Variants in NDUFAF6 observed in about 807,000 individuals in gnomAD.
NDUFAF6 encodes NADH:ubiquinone oxidoreductase complex assembly factor 6.
In NDUFAF6, 45 loss-of-function variants were observed where a neutral mutation model predicts 40.8. The observed-to-expected ratio is 1.10, with a 90% CI of 0.87 to 1.42. NDUFAF6 has a LOEUF of 1.42. Among genes scored for constraint, NDUFAF6 ranks in the 40% most tolerant of loss-of-function variants. NDUFAF6 has a pLI of 0.00. For missense variants in NDUFAF6, 435 were observed against 418.5 expected, an observed-to-expected ratio of 1.04 and a Z score of -0.34; for synonymous variants, 185 against 155.9, an observed-to-expected ratio of 1.19 and a Z score of -1.39.
chr8:95,076,795 C>T (rs1808640524), downstream of NDUFAF6, among the ~76,000 whole-genome samples: 1 of 151,812 alleles, frequency 6.6e-6, no homozygotes, highest in Admixed American at 6.6e-5. Flanking sequence ...ATTGCTTGAA[C>T]CCGGGAGGCA....
intron 8 of NDUFAF6, among the ~76,000 whole-genome samples, chr8:95,054,530 G>A (rs1354278531): frequency 1.3e-5 from 2 of 151,726 alleles, no homozygotes; most frequent in Non-Finnish European, 2.9e-5. Context: ...TGCCTCCAGG[G>A]TTCAAGCGAT....
rs1424495970 is a variant in NDUFAF6 at position 95,058,553 on chromosome 8, C to T, written c.*616C>T. 7.4e-6 allele frequency: 9 copies of T among 1,217,380 alleles called. No individual in the cohort carries two copies. Among genetic ancestry groups the T allele is most frequent in the Non-Finnish European group, 8.2e-6 (8 of 979,674 alleles). 75.4% of individuals were successfully genotyped at this position (1,217,380 alleles called of 1,614,324 possible). On this transcript the variant is annotated 3_prime_UTR_variant, in exon 9 of 9. Coordinates refer to ENST00000396124, the MANE Select transcript of NDUFAF6 (RefSeq NM_152416.4). Reference sequence around the variant, plus strand: ...GCAGAGCCTTAATTTGACTTTAGCTCTGGCTGGTCTGGAAGCTTTTACTTT... The same window carrying T: ...GCAGAGCCTTAATTTGACTTTAGCTTTGGCTGGTCTGGAAGCTTTTACTTT...
intron 2 of NDUFAF6, chr8:94,951,044 C>T (rs1822564505): frequency 6.6e-6 from 1 of 152,136 alleles, no homozygotes; most frequent in South Asian, 2.1e-4. Flanking sequence ...TTGCTCTGAC[C>T]AATAGAATGT....
At chr8:94,971,926 G>A (rs1223233679) in intron 1 of NDUFAF6, among the ~76,000 whole-genome samples, 2 of 150,098 alleles carry the variant, frequency 1.3e-5, no homozygotes, top group South Asian at 4.2e-4. Context: ...CAACAAGAGC[G>A]GAAAAAAAAA....
intron 2 of NDUFAF6, chr8:94,981,060 G>T (rs943085038): frequency 2.3e-5 from 10 of 441,572 alleles, no homozygotes; most frequent in African/African-American, 1.8e-4. Context: ...TTTTAATATG[G>T]TTTATCCCCA....
intron 1 of NDUFAF6, among the ~76,000 whole-genome samples, chr8:94,970,902 G>A (rs57890591): frequency 0.13 from 19,714 of 152,136 alleles, 1,624 homozygotes; most frequent in Middle Eastern, 0.23. Flanking sequence ...CCTTTGTCTC[G>A]AACTCCTGGC....
At chr8:94,997,361 G>C (rs956949444) in intron 2 of NDUFAF6, among the ~76,000 whole-genome samples, 1 of 147,760 alleles carries the variant, frequency 6.8e-6, no homozygotes, top group South Asian at 2.1e-4. Flanking sequence ...GAGAGAGAGA[G>C]AGAGACAGAG....
intron 3 of NDUFAF6, 81 bp from the exon 4 acceptor site, chr8:95,041,489 T>G: frequency 1.1e-6 from 1 of 944,980 alleles, no homozygotes. Context: ...TAGTTTTGTA[T>G]TTGGTTTGTT....
chr8:95,073,142 C>G (rs1337662875), intron 9 of NDUFAF6: 3 of 152,644 alleles, frequency 2.0e-5, no homozygotes, highest in Non-Finnish European at 4.4e-5. Flanking sequence ...GGGCTCCGAC[C>G]GGACGGAAGG....
At chr8:95,027,467 C>T (rs1368069866) in intron 1 of NDUFAF6, among the ~76,000 whole-genome samples, 1 of 151,462 alleles carries the variant, frequency 6.6e-6, no homozygotes, top group Non-Finnish European at 1.5e-5. Flanking sequence ...GTAGTCCCAG[C>T]TACTCTGGAG....
At position 95,058,101 on chromosome 8, in the gene NDUFAF6, C is replaced by G; in HGVS notation, c.*164C>G. On this transcript the variant is annotated 3_prime_UTR_variant, in exon 9 of 9. Transcript: ENST00000396124. ...AGAAGTTGCCGTGGGACTAGGGTGCCAAGACTGCTGAGATTCTGGCAGAGG... is the reference window on the plus strand; with the variant it reads ...AGAAGTTGCCGTGGGACTAGGGTGCGAAGACTGCTGAGATTCTGGCAGAGG... 6.9e-7 allele frequency: 1 copy of G among 1,452,596 alleles called. No individual in the cohort carries two copies. Among genetic ancestry groups the G allele is most frequent in the South Asian group, 1.5e-5 (1 of 66,570 alleles). The allele number at this position is 1,452,596 out of a possible 1,614,324, so 90.0% of individuals were successfully genotyped here. A position where few individuals can be genotyped will look rare whatever the true frequency, so the allele number is the denominator to read the frequency against.
chr8:94,901,287 C>T (rs1045038123), intron 1 of NDUFAF6, among the ~76,000 whole-genome samples: 1 of 151,904 alleles, frequency 6.6e-6, no homozygotes, highest in Non-Finnish European at 1.5e-5. Flanking sequence ...CTATGTGAAG[C>T]GTAGACTCCA....
chr8:94,945,964 T>C (rs1252064021), intron 2 of NDUFAF6, among the ~76,000 whole-genome samples: 3 of 152,004 alleles, frequency 2.0e-5, no homozygotes, highest in Admixed American at 6.6e-5. Context: ...AAGACCTCCA[T>C]CCCTCCCTTT....
intron 2 of NDUFAF6, among the ~76,000 whole-genome samples, chr8:95,089,753 G>T (rs1026713274): frequency 2.0e-5 from 3 of 152,130 alleles, no homozygotes; most frequent in African/African-American, 7.2e-5. Flanking sequence ...ACTGCCCAGT[G>T]GTCATCTGCA....
chr8:94,969,110 TA>T (rs1824255949), intron 1 of NDUFAF6, among the ~76,000 whole-genome samples: 1 of 151,990 alleles, frequency 6.6e-6, no homozygotes, highest in African/African-American at 2.4e-5. Context: ...AGGCTGGCAA[TA>T]GAAATTGGAG....
intron 1 of NDUFAF6, among the ~76,000 whole-genome samples, chr8:94,962,402 C>A (rs1298849578): frequency 6.6e-6 from 1 of 152,200 alleles, no homozygotes; most frequent in Non-Finnish European, 1.5e-5. Context: ...AAGCAATTCT[C>A]GTGCCTCAGC....
intron 1 of NDUFAF6, among the ~76,000 whole-genome samples, chr8:94,914,433 CCT>C (rs1458064224): frequency 3.3e-5 from 5 of 152,106 alleles, no homozygotes; most frequent in Non-Finnish European, 7.4e-5. Context: ...GTTACATGTA[CCT>C]CTCAAACATT....
chr8:95,024,966 C>T, upstream of NDUFAF6: 1 of 1,289,104 alleles, frequency 7.8e-7, no homozygotes, highest in Non-Finnish European at 9.8e-7. Flanking sequence ...GGCGTAGCTG[C>T]GCGCCGACGG....
rs201763201 is a variant in NDUFAF6 at position 95,029,892 on chromosome 8, A to AT, written c.198-2093dup. The stretch of plus-strand genomic sequence containing the variant: ...ACGTGGTTGAAAAGGTGACTTCCAG[A>AT]TTTTTTTTTTGTAAATTTAATTAAG... On this transcript the variant is annotated intron_variant, in intron 1 of 8. Coordinates refer to ENST00000396124, the MANE Select transcript of NDUFAF6 (RefSeq NM_152416.4). Among the ~76,000 whole-genome samples, 263 of 150,058 alleles carry AT rather than the reference A, an allele frequency of 1.8e-3. 1 individual carries two copies. Among genetic ancestry groups the AT allele is most frequent in the Non-Finnish European group, 3.1e-3 (209 of 67,334 alleles).
Sources: allele counts gnomAD v4.1 joint callset (sites outside exome capture counted in the v4.1 genomes callset), GRCh38; gene constraint gnomAD v4.1.1; transcripts MANE v1.5; gene names NCBI Gene and HGNC (gene_info 2026-07-23, HGNC 2026-07-21).